The following DDX10 variants were observed in gnomAD, a reference collection of about 807,000 sequenced individuals.
DDX10 encodes the protein DEAD-box helicase 10.
DDX10 carries 74 observed loss-of-function variants against 104.3 expected under a neutral mutation model. The ratio of observed to expected loss-of-function variants is 0.71; its 90% confidence interval spans 0.59 to 0.86. The LOEUF (loss-of-function observed/expected upper bound fraction) is 0.86, where lower values mean the gene tolerates loss of function less well. Among genes scored for constraint, DDX10 ranks in the 40% least tolerant of loss-of-function variants. The pLI, the probability that DDX10 is intolerant of heterozygous loss-of-function variation, is 0.00. For missense variants in DDX10, 952 were observed against 1,040.0 expected (o/e 0.92, Z 1.16); for synonymous variants, 351 against 353.4 (o/e 0.99, Z 0.08).
intron 16 of DDX10, among the ~76,000 whole-genome samples, chr11:108,890,929 C>T (rs1375191321): frequency 6.6e-6 from 1 of 152,110 alleles, no homozygotes; most frequent in African/African-American, 2.4e-5. Flanking sequence ...TTTCTGCTTC[C>T]CCTCCCAGCA....
chr11:108,939,194 CAA>C (rs1032644136), intron 17 of DDX10, among the ~76,000 whole-genome samples: 9 of 152,180 alleles, frequency 5.9e-5, no homozygotes, highest in African/African-American at 1.9e-4. Flanking sequence ...GTGTTGATGT[CAA>C]ACCAGTGCTC....
intron 13 of DDX10, among the ~76,000 whole-genome samples, chr11:108,833,197 A>G (rs1055265738): frequency 3.9e-5 from 6 of 152,214 alleles, no homozygotes; most frequent in Non-Finnish European, 7.3e-5. Flanking sequence ...ACTCAATTCA[A>G]ACATCTCTCC....
chr11:108,762,320 G>C (rs962564680), intron 13 of DDX10, among the ~76,000 whole-genome samples: 39 of 152,136 alleles, frequency 2.6e-4, no homozygotes, highest in African/African-American at 8.4e-4. Flanking sequence ...TTCCCACTTA[G>C]GACCAGTGTA....
At chr11:108,931,536 A>G (rs1027355098) in intron 17 of DDX10, among the ~76,000 whole-genome samples, 1 of 152,210 alleles carries the variant, frequency 6.6e-6, no homozygotes, top group East Asian at 1.9e-4. Context: ...AGTCATTTCA[A>G]CATTAAACAG....
At chr11:108,689,301 A>G (rs1405221867) in intron 7 of DDX10, among the ~76,000 whole-genome samples, 1 of 152,230 alleles carries the variant, frequency 6.6e-6, no homozygotes, top group South Asian at 2.1e-4. Flanking sequence ...GTAGTCCTCA[A>G]TAAATATTAG....
chr11:108,741,019 T>C (rs1213014594), intron 13 of DDX10, among the ~76,000 whole-genome samples: 1 of 152,218 alleles, frequency 6.6e-6, no homozygotes, highest in Non-Finnish European at 1.5e-5. Context: ...ATCTTTTGCA[T>C]ATGGCTAGCC....
At chr11:108,814,173 T>C (rs1410964427) in intron 13 of DDX10, among the ~76,000 whole-genome samples, 1 of 152,186 alleles carries the variant, frequency 6.6e-6, no homozygotes, top group Non-Finnish European at 1.5e-5. Context: ...TACATTTCTC[T>C]AGTTACTCAG....
intron 16 of DDX10, among the ~76,000 whole-genome samples, chr11:108,883,449 T>C (rs1863253710): frequency 6.6e-6 from 1 of 152,126 alleles, no homozygotes; most frequent in African/African-American, 2.4e-5. Context: ...TCGTTTCTCC[T>C]TGGGGATTTT....
chr11:108,858,008 A>G (rs1401760462), intron 16 of DDX10, among the ~76,000 whole-genome samples: 5 of 152,156 alleles, frequency 3.3e-5, no homozygotes, highest in African/African-American at 1.2e-4. Flanking sequence ...AGTTACTATA[A>G]AATCTCACTG....
chr11:108,728,531 T>A (rs1318270310), intron 13 of DDX10, among the ~76,000 whole-genome samples: 5 of 127,826 alleles, frequency 3.9e-5, no homozygotes, highest in African/African-American at 1.4e-4. Flanking sequence ...TTTTTTTTTT[T>A]AGAAATAGGG....
rs1166283681 is a variant in DDX10, at chr11:108,917,941, T to A, written c.2373T>A (p.Asp791Glu). The A allele has an allele frequency of 6.2e-7, 1 of 1,611,592 alleles. No homozygotes were observed. The highest frequency in any genetic ancestry group is 1.1e-5 in the South Asian group (1 of 90,822). ...ATGATGATGATGATGATGGATTTGA[T>A]CCAAGCACACTCCCAGATCCAGATA... ...DDDDDDDDGF[D>E]PSTLPDPDKY... is the part of the protein sequence containing the mutation. Residue 791 changes from aspartate to glutamate, a missense_variant, in exon 17 of 18, where the codon GAT (aspartate) becomes GAA (glutamate). Around this residue, in one of 3 missense-constraint regions of DDX10, gnomAD observed 533 missense variants for 534.1 expected, o/e 1.00. Transcript: ENST00000322536.
At chr11:108,769,840 A>G (rs780148681) in intron 13 of DDX10, among the ~76,000 whole-genome samples, 104 of 152,232 alleles carry the variant, frequency 6.8e-4, no homozygotes, top group Admixed American at 1.4e-3. Flanking sequence ...ACTGTATCAG[A>G]CATTAACACT....
At chr11:108,879,214 A>G (rs1303445851) in intron 16 of DDX10, among the ~76,000 whole-genome samples, 1 of 152,020 alleles carries the variant, frequency 6.6e-6, no homozygotes, top group African/African-American at 2.4e-5. Context: ...GTTGGCCAGG[A>G]TGATCTCGAT....
intron 15 of DDX10, 147 bp downstream of exon 15, chr11:108,841,623 T>C: frequency 1.2e-6 from 1 of 803,702 alleles, no homozygotes; most frequent in Non-Finnish European, 1.9e-6. Flanking sequence ...CTTTTTTCTG[T>C]TTATTTGTTC....
chr11:108,671,917 T>A (rs1432211537), intron 1 of DDX10, among the ~76,000 whole-genome samples: 1 of 151,786 alleles, frequency 6.6e-6, no homozygotes, highest in Non-Finnish European at 1.5e-5. Context: ...AAAAATTAGC[T>A]GGGCGTGGTG....
intron 15 of DDX10, among the ~76,000 whole-genome samples, chr11:108,846,146 C>T (rs940838328): frequency 6.6e-6 from 1 of 152,070 alleles, no homozygotes; most frequent in African/African-American, 2.4e-5. Flanking sequence ...TTAATTGACA[C>T]ATAATAATTG....
In DDX10 at chr11:108,844,792, A is replaced by G. The variant is rs75727498; in HGVS notation, c.2247+3316A>G. The stretch of plus-strand genomic sequence containing the variant: ...TCAGTGAGATCCTCTGGCTCCATAG[A>G]TCTAGTTAAGACATGGGAATAAAAT... On this transcript the variant is annotated intron_variant, in intron 15 of 17. Coordinates refer to ENST00000322536, the MANE Select transcript of DDX10 (RefSeq NM_004398.4). Among the ~76,000 whole-genome samples, 603 of 152,298 alleles carry G rather than the reference A, an allele frequency of 4.0e-3. 1 individual carries two copies. Among genetic ancestry groups the G allele is most frequent in the African/African-American group, 0.014 (582 of 41,580 alleles).
At chr11:108,767,399 CAT>C (rs904462420) in intron 13 of DDX10, 3 of 152,100 alleles carry the variant, frequency 2.0e-5, no homozygotes, top group Non-Finnish European at 2.9e-5. Flanking sequence ...GACTTGATAA[CAT>C]GTGGTGAGTA....
At chr11:108,818,137 C>T (rs1349050251) in intron 13 of DDX10, among the ~76,000 whole-genome samples, 1 of 152,142 alleles carries the variant, frequency 6.6e-6, no homozygotes, top group Non-Finnish European at 1.5e-5. Flanking sequence ...GTCAGCGTTC[C>T]CTGCCCTCAC....
Sources: allele counts gnomAD v4.1 joint callset (sites outside exome capture counted in the v4.1 genomes callset), GRCh38; gene constraint gnomAD v4.1.1; regional missense constraint gnomAD v4.1.1; transcripts MANE v1.5; gene names NCBI Gene and HGNC (gene_info 2026-07-23, HGNC 2026-07-21).